Variants in SH3D19 observed in about 807,000 individuals in gnomAD.
SH3D19 encodes the protein SH3 domain containing 19, also known as SH3 domain-containing protein 19.
A neutral mutation model predicts 112.1 loss-of-function variants in SH3D19; 58 were observed. That is an observed-to-expected ratio of 0.52 (90% CI 0.42 to 0.64). The LOEUF (loss-of-function observed/expected upper bound fraction) is 0.64, where lower values mean the gene tolerates loss of function less well. SH3D19 is among the 30% of genes least tolerant of loss of function. The pLI, the probability that SH3D19 is intolerant of heterozygous loss-of-function variation, is 0.00. For synonymous variants in SH3D19, 391 were observed against 448.5 expected (o/e 0.87, Z 1.62); for missense variants, 1,090 against 1,263.4 (o/e 0.86, Z 2.08).
At chr4:151,245,898 G>A (rs1353730702) in intron 1 of SH3D19, among the ~76,000 whole-genome samples, 1 of 152,208 alleles carries the variant, frequency 6.6e-6, no homozygotes, top group African/African-American at 2.4e-5. Context: ...CACCACTCCC[G>A]GCCTGGGTTT....
chr4:151,258,628 A>T (rs901287858), intron 1 of SH3D19, among the ~76,000 whole-genome samples: 8 of 152,002 alleles, frequency 5.3e-5, no homozygotes, highest in African/African-American at 1.9e-4. Context: ...AATCCCAGAC[A>T]CCCTGCTCTC....
At chr4:151,282,452 T>C (rs143028832) in intron 1 of SH3D19, 2 of 1,606,514 alleles carry the variant, frequency 1.2e-6, no homozygotes, top group South Asian at 2.2e-5. Flanking sequence ...TCATATGTCA[T>C]CCTCTTGTAC....
chr4:151,275,090 CG>C (rs551206244), intron 1 of SH3D19, among the ~76,000 whole-genome samples: 310 of 128,016 alleles, frequency 2.4e-3, no homozygotes, highest in African/African-American at 8.7e-3. Context: ...CTTCAAGATA[CG>C]TTTTTTTTTT....
At chr4:151,271,517 T>C (rs963509547) in intron 1 of SH3D19, among the ~76,000 whole-genome samples, 4 of 152,204 alleles carry the variant, frequency 2.6e-5, no homozygotes, top group Non-Finnish European at 2.9e-5. Context: ...CTAGGTGTAG[T>C]AGGTATTACT....
At chr4:151,275,845 ATTATTTTTT>A (rs982096117) in intron 1 of SH3D19, among the ~76,000 whole-genome samples, 1 of 97,418 alleles carries the variant, frequency 1.0e-5, no homozygotes, top group African/African-American at 3.7e-5. Context: ...TATTATTATT[ATTATTTTTT>A]TTTTTTTAGA....
intron 1 of SH3D19, chr4:151,282,059 T>C: frequency 7.2e-7 from 1 of 1,393,690 alleles, no homozygotes; most frequent in Non-Finnish European, 9.9e-7. Flanking sequence ...CTACCCTCCT[T>C]TCTTGAGTAG....
intron 3 of SH3D19, among the ~76,000 whole-genome samples, chr4:151,179,700 G>A (rs573683696): frequency 6.6e-6 from 1 of 152,246 alleles, no homozygotes; most frequent in African/African-American, 2.4e-5. Context: ...AATATAAATT[G>A]CATGGCTGGA....
chr4:151,166,936 T>G (rs1391869018), intron 7 of SH3D19, among the ~76,000 whole-genome samples: 1 of 152,162 alleles, frequency 6.6e-6, no homozygotes, highest in Non-Finnish European at 1.5e-5. Flanking sequence ...GCTCACATAT[T>G]TATGCCAGTA....
At chr4:151,194,133 C>T (rs900688859) in intron 2 of SH3D19, among the ~76,000 whole-genome samples, 8 of 146,762 alleles carry the variant, frequency 5.5e-5, no homozygotes, top group Non-Finnish European at 8.9e-5. Flanking sequence ...TTTAGCGATA[C>T]TCCTGCCTCA....
intron 1 of SH3D19, among the ~76,000 whole-genome samples, chr4:151,314,499 CCTAA>C (rs1447648713): frequency 2.0e-5 from 3 of 152,154 alleles, no homozygotes; most frequent in Non-Finnish European, 4.4e-5. Context: ...CCTCATAAAA[CCTAA>C]CTAACATGTC....
chr4:151,222,696 G>A (rs1157235124), intron 2 of SH3D19, among the ~76,000 whole-genome samples: 4 of 102,566 alleles, frequency 3.9e-5, no homozygotes, highest in Admixed American at 1.4e-4. Flanking sequence ...TTTTTGAGAC[G>A]GAGTCTCACT....
chr4:151,325,112 C>T (rs1261367206), intron 1 of SH3D19, 129 bp downstream of exon 1: 3 of 431,600 alleles, frequency 7.0e-6, no homozygotes, highest in Non-Finnish European at 1.1e-5. Flanking sequence ...CCGAGTCTGG[C>T]CTCTGAGAGT....
intron 7 of SH3D19, among the ~76,000 whole-genome samples, chr4:151,173,980 A>C (rs552793412): frequency 3.3e-5 from 5 of 152,360 alleles, no homozygotes; most frequent in South Asian, 2.1e-4. Flanking sequence ...GAAAGAAAAC[A>C]TACTCTCTGC....
intron 1 of SH3D19, among the ~76,000 whole-genome samples, chr4:151,230,673 A>G (rs1286885199): frequency 2.6e-5 from 4 of 151,402 alleles, no homozygotes; most frequent in Non-Finnish European, 4.4e-5. Flanking sequence ...GCTCACTGCA[A>G]TCTCTGCCTC....
intron 7 of SH3D19, among the ~76,000 whole-genome samples, chr4:151,174,281 C>T (rs943775290): frequency 1.3e-5 from 2 of 152,186 alleles, no homozygotes; most frequent in Non-Finnish European, 2.9e-5. Context: ...GTTCCATAAC[C>T]TCCCTGGATC....
chr4:151,223,387 AC>A (rs1393312325), intron 2 of SH3D19, among the ~76,000 whole-genome samples: 1 of 152,056 alleles, frequency 6.6e-6, no homozygotes, highest in Non-Finnish European at 1.5e-5. Context: ...TACTCAAATT[AC>A]CCCAAAATTT....
intron 2 of SH3D19, among the ~76,000 whole-genome samples, chr4:151,216,877 CTGTGTGTGTGTGTGTGTGTGTGTG>C (rs34575245): frequency 1.4e-5 from 2 of 140,766 alleles, no homozygotes; most frequent in East Asian, 2.1e-4. Context: ...CAAAACAACA[CTGTGTGTGTGTGTGTGTGTGTGTG>C]TGTGTGTGTG....
intron 11 of SH3D19, among the ~76,000 whole-genome samples, chr4:151,145,887 T>C (rs1301886503): frequency 6.6e-6 from 1 of 152,206 alleles, no homozygotes; most frequent in Non-Finnish European, 1.5e-5. Context: ...AGGAGGATAA[T>C]AATATCTACC....
chr4:151,227,239 C>T (rs985185435), intron 1 of SH3D19, among the ~76,000 whole-genome samples: 1 of 152,094 alleles, frequency 6.6e-6, no homozygotes, highest in African/African-American at 2.4e-5. Context: ...TACTCTAAAA[C>T]TTCTAGAAAG....
Sources: allele counts gnomAD v4.1 joint callset (sites outside exome capture counted in the v4.1 genomes callset), GRCh38; gene constraint gnomAD v4.1.1; transcripts MANE v1.5; gene names NCBI Gene and HGNC (gene_info 2026-07-23, HGNC 2026-07-21).